CLINT1: variants seen among roughly 807,000 people sequenced by gnomAD.
CLINT1 encodes clathrin interactor 1.
CLINT1 carries 15 observed loss-of-function variants against 70.4 expected under a neutral mutation model. That is an observed-to-expected ratio of 0.21 (90% confidence interval 0.14 to 0.33). The LOEUF (loss-of-function observed/expected upper bound fraction) is 0.33, where lower values mean the gene tolerates loss of function less well. Among genes scored for constraint, CLINT1 ranks in the 10% least tolerant of loss-of-function variants. The pLI is 1.00. For synonymous variants in CLINT1, 227 were observed against 254.7 expected (o/e 0.89, Z 1.04); for missense variants, 615 against 778.1 (o/e 0.79, Z 2.49).
chr5:157,808,271 T>C (rs1417871597), intron 6 of CLINT1, among the ~76,000 whole-genome samples: 2 of 152,102 alleles, frequency 1.3e-5, no homozygotes, highest in Admixed American at 6.6e-5. Flanking sequence ...ATTTAAAAGA[T>C]ATGAAAACAT....
chr5:157,789,249 G>T, intron 11 of CLINT1, 114 bp downstream of exon 11: 1 of 890,192 alleles, frequency 1.1e-6, no homozygotes, highest in Non-Finnish European at 1.8e-6. Context: ...ACAGGCATTT[G>T]GTTAACTGTT....
Position 157,787,556 on chromosome 5 carries a change from G to A in CLINT1, c.*90C>T, listed in dbSNP as rs1256856302. 3 of 1,030,930 alleles carry A rather than the reference G, an allele frequency of 2.9e-6. No individual in the cohort carries two copies. In the Admixed American group the frequency reaches 6.7e-5, roughly 23 times the overall value. The allele number at this position is 1,030,930 out of a possible 1,614,324, so 63.9% of individuals were successfully genotyped here. A position where few individuals can be genotyped will look rare whatever the true frequency, so the allele number is the denominator to read the frequency against. On this transcript the variant is annotated 3_prime_UTR_variant, in exon 12 of 12. Transcript: ENST00000411809. ...GATTTATTTTAATTACTTGATAAAA[G>A]AAAGGGTAGTTGATTAGCATTTTCC...
chr5:157,837,262 C>A (rs575971109), intron 1 of CLINT1, among the ~76,000 whole-genome samples: 8 of 152,154 alleles, frequency 5.3e-5, no homozygotes, highest in Non-Finnish European at 1.0e-4. Context: ...ATTACCCAGG[C>A]ATGGTGGCCC....
At position 157,839,727 on chromosome 5, in the gene CLINT1, CTAT is replaced by C. The variant is rs1763561604; in HGVS notation, c.41+19200_41+19202del. ...TCTCCTAATTACAACAAAAATCTATCTATCTATCTATCTATCTATCTATCTATC... is the reference window on the plus strand; with the variant it reads ...TCTCCTAATTACAACAAAAATCTATCCTATCTATCTATCTATCTATCTATC... On this transcript the variant is annotated intron_variant, in intron 1 of 11. Coordinates refer to ENST00000411809, the MANE Select transcript of CLINT1 (RefSeq NM_014666.4). Among the ~76,000 whole-genome samples, 105 of 75,136 alleles carry C rather than the reference CTAT, an allele frequency of 1.4e-3. No individual in the cohort carries two copies. In the Middle Eastern group the frequency reaches 0.023, roughly 16 times the overall value. The allele number at this position is 75,136 out of a possible 152,430, so 49.3% of individuals were successfully genotyped here.
intron 1 of CLINT1, among the ~76,000 whole-genome samples, chr5:157,840,192 C>CAGA (rs1491543792): frequency 1.8e-5 from 1 of 55,332 alleles, no homozygotes; most frequent in Non-Finnish European, 2.9e-5. Flanking sequence ...GAGACTGCCT[C>CAGA]AAAAAAAAAA....
At chr5:157,809,570 C>A in intron 6 of CLINT1, 58 bp downstream of exon 6, 1 of 1,449,608 alleles carries the variant, frequency 6.9e-7, no homozygotes. Context: ...ACCAAAAACC[C>A]AGTGGCATAA....
chr5:157,801,591 G>A (rs527778675), intron 8 of CLINT1, among the ~76,000 whole-genome samples: 6 of 151,900 alleles, frequency 3.9e-5, no homozygotes, highest in Admixed American at 1.3e-4. Context: ...CCAGCACTTC[G>A]GGAGGCTGAG....
intron 1 of CLINT1, among the ~76,000 whole-genome samples, chr5:157,824,470 T>C (rs942833015): frequency 6.6e-6 from 1 of 152,192 alleles, no homozygotes; most frequent in African/African-American, 2.4e-5. Flanking sequence ...TTCGTCCACA[T>C]GGTGGGATAT....
intron 1 of CLINT1, among the ~76,000 whole-genome samples, chr5:157,857,734 G>A (rs1419620617): frequency 1.3e-5 from 2 of 152,204 alleles, no homozygotes; most frequent in Non-Finnish European, 2.9e-5. Context: ...AGCTTTGCAG[G>A]TTCTGAAACC....
At chr5:157,792,066 C>T (rs1761931430) in intron 9 of CLINT1, 71 bp from the exon 10 acceptor site, 1 of 1,375,522 alleles carries the variant, frequency 7.3e-7, no homozygotes, top group Admixed American at 2.1e-5. Flanking sequence ...AATCTATGAA[C>T]TGAAACAAAT....
intron 10 of CLINT1, among the ~76,000 whole-genome samples, chr5:157,791,420 A>G (rs1761901080): frequency 6.6e-6 from 1 of 152,180 alleles, no homozygotes; most frequent in African/African-American, 2.4e-5. Context: ...GTAACAATAA[A>G]TTTTTGCCAT....
intron 1 of CLINT1, among the ~76,000 whole-genome samples, chr5:157,824,754 C>A (rs534589589): frequency 6.6e-6 from 1 of 152,212 alleles, no homozygotes; most frequent in South Asian, 2.1e-4. Flanking sequence ...AAACTCACTC[C>A]AAATCCCACA....
chr5:157,811,112 C>T (rs993077131), intron 5 of CLINT1, among the ~76,000 whole-genome samples: 9 of 151,840 alleles, frequency 5.9e-5, no homozygotes, highest in African/African-American at 9.7e-5. Flanking sequence ...AACCAGACTT[C>T]GGAAAGAAAC....
chr5:157,788,445 TAAG>T lies in CLINT1; in HGVS notation c.1532-456_1532-454del, dbSNP rs1430712041. Among the ~76,000 whole-genome samples, 4 of 152,200 alleles carry T rather than the reference TAAG, an allele frequency of 2.6e-5. No homozygotes were observed. The East Asian group carries it at 5.8e-4, about 22-fold the overall frequency. ...TTGACTTATTTTTAGAACATTCTAT[TAAG>T]AAAAAAACAGAAGTATGAAGATTTA... is the stretch of plus-strand genomic sequence containing the variant. On this transcript the variant is annotated intron_variant, in intron 11 of 11. Transcript: ENST00000411809.
intron 5 of CLINT1, among the ~76,000 whole-genome samples, chr5:157,812,225 C>T (rs1026445031): frequency 6.6e-6 from 1 of 151,914 alleles, no homozygotes; most frequent in Non-Finnish European, 1.5e-5. Flanking sequence ...GATATGAGAG[C>T]TCAATATAAT....
chr5:157,854,280 G>A (rs192418223), intron 1 of CLINT1, among the ~76,000 whole-genome samples: 5 of 152,138 alleles, frequency 3.3e-5, no homozygotes, highest in Admixed American at 6.5e-5. Context: ...TGTATGTTTC[G>A]AGTTCAGAAA....
chr5:157,818,204 T>C (rs1762778866), intron 1 of CLINT1, among the ~76,000 whole-genome samples: 1 of 152,164 alleles, frequency 6.6e-6, no homozygotes, highest in Admixed American at 6.6e-5. Context: ...TCTTCAGCAA[T>C]GATCAAGAAC....
chr5:157,793,982 T>C (rs766030975), intron 9 of CLINT1, among the ~76,000 whole-genome samples: 3 of 152,154 alleles, frequency 2.0e-5, no homozygotes, highest in Non-Finnish European at 4.4e-5. Flanking sequence ...AAGATTCTCA[T>C]AGCTAAATTT....
At chr5:157,816,328 C>A (rs1031534102) in intron 3 of CLINT1, among the ~76,000 whole-genome samples, 1 of 152,060 alleles carries the variant, frequency 6.6e-6, no homozygotes, top group Non-Finnish European at 1.5e-5. Context: ...ATATTTTGAA[C>A]ATTTTGGATA....
Sources: gnomAD v4.1 joint callset for allele counts (sites outside exome capture counted in the v4.1 genomes callset) on GRCh38, gnomAD v4.1.1 for gene constraint, MANE v1.5 for transcripts, NCBI Gene and HGNC (gene_info 2026-07-23, HGNC 2026-07-21) for gene names.